Variants in KCNQ5 observed in about 807,000 individuals in gnomAD.
KCNQ5 encodes the protein potassium voltage-gated channel subfamily Q member 5.
A neutral mutation model predicts 98.2 loss-of-function variants in KCNQ5; 30 were observed. That is an observed-to-expected ratio of 0.31 (90% CI 0.23 to 0.41). The LOEUF is 0.41. KCNQ5 is among the 10% of genes least tolerant of loss of function. The pLI is 1.00. For missense variants in KCNQ5, 835 were observed against 1,182.5 expected, an observed-to-expected ratio of 0.71 and a Z score of 4.31; for synonymous variants, 458 against 449.4, an observed-to-expected ratio of 1.02 and a Z score of -0.24.
chr6:72,929,288 C>T (rs969704923), intron 1 of KCNQ5, among the ~76,000 whole-genome samples: 1 of 152,040 alleles, frequency 6.6e-6, no homozygotes, highest in Non-Finnish European at 1.5e-5. Context: ...GAGTTGAAAG[C>T]TTGTCAGTTA....
At chr6:72,833,210 G>A (rs1426287386) in intron 1 of KCNQ5, among the ~76,000 whole-genome samples, 1 of 152,100 alleles carries the variant, frequency 6.6e-6, no homozygotes, top group Non-Finnish European at 1.5e-5. Flanking sequence ...CTTAAGGGAG[G>A]AAATTCTGTG....
intron 5 of KCNQ5, among the ~76,000 whole-genome samples, chr6:73,082,682 T>C (rs1002468094): frequency 4.6e-5 from 7 of 152,334 alleles, no homozygotes; most frequent in African/African-American, 1.7e-4. Flanking sequence ...TGCCCACTTA[T>C]GTAAATATTG....
intron 1 of KCNQ5, among the ~76,000 whole-genome samples, chr6:72,782,238 T>C (rs1011722139): frequency 6.6e-6 from 1 of 150,432 alleles, no homozygotes; most frequent in Non-Finnish European, 1.5e-5. Flanking sequence ...GACAATCTTA[T>C]GCACCCTCTC....
Position 73,180,214 on chromosome 6 carries a change from C to T in KCNQ5, c.1578-10359C>T, listed in dbSNP as rs530479270. ...AAGGACCAAATGATCATTGTCATCA[C>T]GTAGGAGGCTTCTTTAACTCTGCCA... On this transcript the variant is annotated intron_variant, in intron 11 of 13. Transcript: ENST00000370398. Among the ~76,000 whole-genome samples, 286 of 152,296 alleles carry T rather than the reference C, an allele frequency of 1.9e-3. 1 individual carries two copies. The highest frequency in any genetic ancestry group is 6.5e-3 in the African/African-American group (271 of 41,554).
intron 3 of KCNQ5, among the ~76,000 whole-genome samples, chr6:73,068,546 T>A (rs1652326413): frequency 6.6e-6 from 1 of 152,158 alleles, no homozygotes; most frequent in African/African-American, 2.4e-5. Context: ...CTTGCAACCC[T>A]ATGACATAGG....
chr6:72,693,104 T>A (rs1023920669), intron 1 of KCNQ5, among the ~76,000 whole-genome samples: 2 of 152,170 alleles, frequency 1.3e-5, no homozygotes, highest in Non-Finnish European at 2.9e-5. Flanking sequence ...TAGATTTATG[T>A]GTTACTAACT....
At chr6:72,987,759 G>A (rs1432061537) in intron 1 of KCNQ5, 2 of 476,208 alleles carry the variant, frequency 4.2e-6, no homozygotes, top group Non-Finnish European at 7.8e-6. Flanking sequence ...AAACTCTAGA[G>A]TTTTGTCCCC....
At chr6:72,978,901 C>A (rs1768288332) in intron 1 of KCNQ5, among the ~76,000 whole-genome samples, 1 of 152,036 alleles carries the variant, frequency 6.6e-6, no homozygotes, top group Admixed American at 6.5e-5. Context: ...TTGTTCAGTT[C>A]CCGCCTGTGA....
chr6:73,001,622 G>A (rs571695058), intron 1 of KCNQ5, among the ~76,000 whole-genome samples: 14 of 152,142 alleles, frequency 9.2e-5, no homozygotes, highest in African/African-American at 3.4e-4. Context: ...GGAAAGGGAG[G>A]GAATATCCAG....
chr6:73,124,693 T>A (rs1582401810), intron 9 of KCNQ5, 181 bp downstream of exon 9: 2 of 634,086 alleles, frequency 3.2e-6, no homozygotes, highest in South Asian at 3.8e-5. Flanking sequence ...TATCAAAGTG[T>A]CTTTCCCTAA....
At chr6:72,722,428 T>C (rs1664560947) in intron 1 of KCNQ5, among the ~76,000 whole-genome samples, 1 of 152,238 alleles carries the variant, frequency 6.6e-6, no homozygotes, top group Admixed American at 6.5e-5. Context: ...AAAAGCTCTG[T>C]CTAGGAGTGT....
At chr6:72,682,196 T>C (rs557690924) in intron 1 of KCNQ5, among the ~76,000 whole-genome samples, 37 of 152,298 alleles carry the variant, frequency 2.4e-4, no homozygotes, top group African/African-American at 8.7e-4. Context: ...CAGCACAGTA[T>C]TAAAAAAACA....
At chr6:73,170,232 C>T (rs1777954700) in intron 11 of KCNQ5, among the ~76,000 whole-genome samples, 1 of 152,046 alleles carries the variant, frequency 6.6e-6, no homozygotes, top group Admixed American at 6.6e-5. Flanking sequence ...AAGAAAAGGC[C>T]TTGTAGGTTA....
Position 73,157,610 on chromosome 6 carries a change from G to A in KCNQ5, c.1469-12136G>A, listed in dbSNP as rs1777419499. 3.9e-6 allele frequency: 3 copies of A among 772,014 alleles called. No homozygotes were observed. In the East Asian group the frequency reaches 7.3e-5, roughly 19 times the overall value. The allele number at this position is 772,014 out of a possible 1,614,324, so 47.8% of individuals were successfully genotyped here. On this transcript the variant is annotated intron_variant, in intron 10 of 13. Coordinates refer to ENST00000370398, the MANE Select transcript of KCNQ5 (RefSeq NM_019842.4). ...ATGGAGGGCGGCGGCAACGGTAGTG[G>A]CAGCTGGGTAGGTGAACGCAGCATG...
intron 1 of KCNQ5, among the ~76,000 whole-genome samples, chr6:72,642,597 G>A (rs562450610): frequency 3.9e-5 from 6 of 152,264 alleles, no homozygotes; most frequent in African/African-American, 1.4e-4. Context: ...TTGTTAAAAT[G>A]TCTAAAAATA....
intron 1 of KCNQ5, among the ~76,000 whole-genome samples, chr6:72,749,196 T>G (rs1181329459): frequency 1.3e-5 from 2 of 152,178 alleles, no homozygotes; most frequent in African/African-American, 4.8e-5. Flanking sequence ...TCATTTAAAG[T>G]TGAATCCTTG....
At chr6:73,151,236 T>C (rs1582450200) in intron 10 of KCNQ5, among the ~76,000 whole-genome samples, 1 of 152,298 alleles carries the variant, frequency 6.6e-6, no homozygotes, top group East Asian at 1.9e-4. Context: ...TCCCACTCTA[T>C]CCCTAGACCA....
At chr6:73,095,295 A>G (rs767657914) in intron 5 of KCNQ5, among the ~76,000 whole-genome samples, 5 of 152,082 alleles carry the variant, frequency 3.3e-5, no homozygotes, top group Non-Finnish European at 5.9e-5. Flanking sequence ...TATTTATGCT[A>G]TCTATTTCCT....
At chr6:72,920,050 C>T (rs1780322925) in intron 1 of KCNQ5, among the ~76,000 whole-genome samples, 1 of 152,116 alleles carries the variant, frequency 6.6e-6, no homozygotes, top group African/African-American at 2.4e-5. Context: ...GCCTGAAATT[C>T]CAGCACTTTA....
Sources: allele counts gnomAD v4.1 joint callset (sites outside exome capture counted in the v4.1 genomes callset), GRCh38; gene constraint gnomAD v4.1.1; transcripts MANE v1.5; gene names NCBI Gene and HGNC (gene_info 2026-07-23, HGNC 2026-07-21).